Variants in H2AZ2 observed in about 807,000 individuals in gnomAD.
H2AZ2 encodes the protein histone H2A.V.
H2AZ2 carries 5 observed loss-of-function variants against 15.5 expected under a neutral mutation model. The observed-to-expected ratio is 0.32, with a 90% CI of 0.17 to 0.68. The LOEUF (loss-of-function observed/expected upper bound fraction) is 0.68, where lower values mean the gene tolerates loss of function less well. Among genes scored for constraint, H2AZ2 ranks in the 30% least tolerant of loss-of-function variants. The pLI, the probability that H2AZ2 is intolerant of heterozygous loss-of-function variation, is 0.72. For synonymous variants in H2AZ2, 44 were observed against 57.4 expected, an observed-to-expected ratio of 0.77 and a Z score of 1.05; for missense variants, 42 against 162.5, an observed-to-expected ratio of 0.26 and a Z score of 4.03.
chr7:44,841,334 C>G (rs1386489438), intron 2 of H2AZ2, among the ~76,000 whole-genome samples: 3 of 152,208 alleles, frequency 2.0e-5, no homozygotes, highest in Non-Finnish European at 4.4e-5. Context: ...TAGCCACATG[C>G]AACTTTGAAC....
intron 1 of H2AZ2, among the ~76,000 whole-genome samples, chr7:44,845,907 C>T (rs1793386815): frequency 6.6e-6 from 1 of 152,030 alleles, no homozygotes; most frequent in Non-Finnish European, 1.5e-5. Flanking sequence ...TATATAGCCT[C>T]CCTACTTTGA....
In H2AZ2 at chr7:44,832,116, G is replaced by C. The variant is rs1161400048; in HGVS notation, c.*2385C>G. On this transcript the variant is annotated 3_prime_UTR_variant, in exon 5 of 5. Coordinates refer to ENST00000308153, the MANE Select transcript of H2AZ2 (RefSeq NM_012412.5). ...TTAGTTTCTTCAAAAATTAAAAACAGGAAAGTTAAATCTATAGATTATATT... is the reference window on the plus strand; with the variant it reads ...TTAGTTTCTTCAAAAATTAAAAACACGAAAGTTAAATCTATAGATTATATT... Among the ~76,000 whole-genome samples the C allele has an allele frequency of 6.6e-6, 1 of 151,954 alleles. No homozygotes were observed. Among genetic ancestry groups the C allele is most frequent in the Non-Finnish European group, 1.5e-5 (1 of 67,998 alleles).
downstream of H2AZ2, among the ~76,000 whole-genome samples, chr7:44,830,953 G>C (rs1216661519): frequency 6.6e-6 from 1 of 152,102 alleles, no homozygotes; most frequent in Non-Finnish European, 1.5e-5. Context: ...TAGGCTATTG[G>C]ACTCCAGCCT....
At chr7:44,844,596 T>C (rs1271724106) in intron 1 of H2AZ2, among the ~76,000 whole-genome samples, 5 of 152,152 alleles carry the variant, frequency 3.3e-5, no homozygotes, top group African/African-American at 1.2e-4. Flanking sequence ...TCAAGTGATC[T>C]GCCTGTCTCA....
intron 1 of H2AZ2, among the ~76,000 whole-genome samples, chr7:44,845,897 T>C (rs1311132210): frequency 2.6e-5 from 4 of 152,120 alleles, no homozygotes; most frequent in Admixed American, 1.3e-4. Context: ...TCAAACTGTA[T>C]ATATAGCCTC....
Position 44,834,225 on chromosome 7 carries a change from AAATT to A in H2AZ2, c.*272_*275del. Reference sequence around the variant, plus strand: ...ATCATGAACAGAACAGTTTTGAGACAAATTAATTTTGTAAAAAATGGTTTATCAA... The same window carrying A: ...ATCATGAACAGAACAGTTTTGAGACAAATTTTGTAAAAAATGGTTTATCAA... On this transcript the variant is annotated 3_prime_UTR_variant, in exon 5 of 5. Transcript: ENST00000308153. 1.7e-6 allele frequency: 2 copies of A among 1,198,912 alleles called. No homozygotes were observed. The highest frequency in any genetic ancestry group is 3.1e-5 in the African/African-American group (2 of 65,110). The allele number at this position is 1,198,912 out of a possible 1,614,324, so 74.3% of individuals were successfully genotyped here. A position where few individuals can be genotyped will look rare whatever the true frequency, so the allele number is the denominator to read the frequency against.
chr7:44,837,230 GGGTATA>G (rs1186475970), intron 3 of H2AZ2, among the ~76,000 whole-genome samples: 4 of 151,416 alleles, frequency 2.6e-5, no homozygotes, highest in Non-Finnish European at 2.9e-5. Flanking sequence ...GAGCAGTGTT[GGGTATA>G]CAGGAGAATC....
downstream of H2AZ2, chr7:44,827,696 C>G (rs375564740): frequency 3.3e-5 from 5 of 152,170 alleles, no homozygotes; most frequent in African/African-American, 1.2e-4. Flanking sequence ...CCAACTATCA[C>G]CATATCAACA....
downstream of H2AZ2, chr7:44,829,715 C>T (rs779274849): frequency 6.5e-6 from 1 of 155,022 alleles, no homozygotes; most frequent in African/African-American, 2.4e-5. Flanking sequence ...CAGGTTACCC[C>T]ACTCAGGACT....
At chr7:44,830,862 C>A (rs760889529), downstream of H2AZ2, among the ~76,000 whole-genome samples, 17 of 152,134 alleles carry the variant, frequency 1.1e-4, no homozygotes, top group Non-Finnish European at 2.1e-4. Flanking sequence ...AAACAAAAAA[C>A]ACACACAGAT....
intron 1 of H2AZ2, among the ~76,000 whole-genome samples, chr7:44,846,062 C>CACACACACACAGAGAGAGAG (rs57468916): frequency 6.7e-4 from 50 of 75,144 alleles, no homozygotes; most frequent in Admixed American, 1.8e-3. Flanking sequence ...CACACACACA[C>CACACACACACAGAGAGAGAG]AGAGAGAGAC....
intron 3 of H2AZ2, among the ~76,000 whole-genome samples, chr7:44,836,144 G>A (rs1793117779): frequency 6.6e-6 from 1 of 151,628 alleles, no homozygotes; most frequent in Non-Finnish European, 1.5e-5. Flanking sequence ...TTTGTTTTTT[G>A]TAGACACAAG....
intron 3 of H2AZ2, among the ~76,000 whole-genome samples, chr7:44,840,312 G>A (rs1354818415): frequency 6.6e-6 from 1 of 152,120 alleles, no homozygotes. Flanking sequence ...GGAACTCCAG[G>A]ACTCAAGTGT....
chr7:44,843,137 C>CAG (rs1793314157), intron 2 of H2AZ2, 140 bp downstream of exon 2: 1 of 84,034 alleles, frequency 1.2e-5, no homozygotes, highest in African/African-American at 1.5e-4. Flanking sequence ...GACTCTGTCT[C>CAG]AAAAAAAAAA....
At chr7:44,830,091 T>C, downstream of H2AZ2, 2 of 1,586,192 alleles carry the variant, frequency 1.3e-6, no homozygotes, top group Non-Finnish European at 1.7e-6. Context: ...AGAATCTTGT[T>C]CCACTAAATC....
rs758384286 is a variant in H2AZ2, at chr7:44,833,642, T to C, written c.*859A>G. The stretch of plus-strand genomic sequence containing the variant: ...TTGGGATTACAGGCGTAAACCACAA[T>C]GCCAGGCCAAAAATTGGGATTTTAA... On this transcript the variant is annotated 3_prime_UTR_variant, in exon 5 of 5. Coordinates refer to ENST00000308153, the MANE Select transcript of H2AZ2 (RefSeq NM_012412.5). The C allele has an allele frequency of 2.8e-5, 27 of 980,402 alleles. No homozygotes were observed. Among genetic ancestry groups the C allele is most frequent in the Non-Finnish European group, 3.3e-5 (27 of 825,428 alleles). 60.7% of individuals were successfully genotyped at this position (980,402 alleles called of 1,614,324 possible).
intron 1 of H2AZ2, among the ~76,000 whole-genome samples, chr7:44,843,842 G>A (rs901619550): frequency 6.6e-6 from 1 of 152,156 alleles, no homozygotes; most frequent in Non-Finnish European, 1.5e-5. Flanking sequence ...ACAGGCATAA[G>A]CCACAGTGCC....
chr7:44,837,971 CTTTTTTTTTCT>C (rs1043300491), intron 3 of H2AZ2, among the ~76,000 whole-genome samples: 1 of 150,508 alleles, frequency 6.6e-6, no homozygotes, highest in Non-Finnish European at 1.5e-5. Flanking sequence ...GCTGAAATTT[CTTTTTTTTTCT>C]TTTTTTTAAG....
chr7:44,830,157 C>A, downstream of H2AZ2: 1 of 1,613,736 alleles, frequency 6.2e-7, no homozygotes, highest in South Asian at 1.1e-5. Context: ...AGAACACCTT[C>A]TCTTCTCTAA....
Sources: allele counts gnomAD v4.1 joint callset (sites outside exome capture counted in the v4.1 genomes callset), GRCh38; gene constraint gnomAD v4.1.1; transcripts MANE v1.5; gene names NCBI Gene and HGNC (gene_info 2026-07-23, HGNC 2026-07-21).